Variants in CFAP61 observed in about 807,000 individuals in gnomAD.
CFAP61 encodes the protein cilia- and flagella-associated protein 61.
In CFAP61, 107 loss-of-function variants were observed where a neutral mutation model predicts 135.6. The observed-to-expected ratio is 0.79, with a 90% CI of 0.67 to 0.93. The LOEUF is 0.93. Ranked by LOEUF, CFAP61 falls within the 40% of genes least tolerant of loss-of-function variation. The pLI, the probability that CFAP61 is intolerant of heterozygous loss-of-function variation, is 0.00. For synonymous variants in CFAP61, 575 were observed against 578.5 expected (o/e 0.99, Z 0.09); for missense variants, 1,507 against 1,556.2 (o/e 0.97, Z 0.53).
At chr20:20,291,811 C>T (rs1253065973) in intron 24 of CFAP61, among the ~76,000 whole-genome samples, 2 of 152,222 alleles carry the variant, frequency 1.3e-5, no homozygotes, top group Non-Finnish European at 2.9e-5. Context: ...CCCATAGTCC[C>T]AGCCCGGTGT....
chr20:20,314,705 G>A (rs2057025134), intron 25 of CFAP61, among the ~76,000 whole-genome samples: 1 of 92,712 alleles, frequency 1.1e-5, no homozygotes, highest in Non-Finnish European at 2.1e-5. Context: ...CCCCACAACA[G>A]TCCCCAGAGT....
intron 25 of CFAP61, among the ~76,000 whole-genome samples, chr20:20,304,436 A>G (rs942536459): frequency 5.8e-4 from 88 of 152,020 alleles, no homozygotes; most frequent in African/African-American, 2.0e-3. Flanking sequence ...CAAATATGTT[A>G]CTAAAAATCT....
At chr20:20,120,403 G>T (rs1202712353) in intron 8 of CFAP61, among the ~76,000 whole-genome samples, 2 of 152,220 alleles carry the variant, frequency 1.3e-5, no homozygotes, top group East Asian at 3.9e-4. Context: ...CATTGAAAAT[G>T]ATTGTTTAAT....
chr20:20,354,936 G>GGGAGGTGGTCAGACTCTGTCAGA (rs2059005100), intron 26 of CFAP61, among the ~76,000 whole-genome samples: 4 of 149,966 alleles, frequency 2.7e-5, no homozygotes, highest in Admixed American at 1.3e-4. Flanking sequence ...ACTGTGAGAG[G>GGGAGGTGGTCAGACTCTGTCAGA]GGAGGTGGTC....
chr20:20,226,600 G>C (rs760264205), intron 17 of CFAP61, among the ~76,000 whole-genome samples: 3 of 152,234 alleles, frequency 2.0e-5, no homozygotes, highest in Non-Finnish European at 4.4e-5. Context: ...TTCTATTTCT[G>C]TGTGATTCTC....
intron 2 of CFAP61, among the ~76,000 whole-genome samples, chr20:20,059,473 C>T (rs1014814415): frequency 6.6e-6 from 1 of 150,786 alleles, no homozygotes; most frequent in Non-Finnish European, 1.5e-5. Flanking sequence ...AAAAAATTAG[C>T]CAGGAGTGGT....
intron 18 of CFAP61, among the ~76,000 whole-genome samples, chr20:20,232,484 C>G (rs2146954194): frequency 6.6e-6 from 1 of 152,184 alleles, no homozygotes; most frequent in Non-Finnish European, 1.5e-5. Context: ...GCGCGTGGAC[C>G]AGCAGCATTG....
chr20:20,165,880 C>A (rs1349738552), intron 11 of CFAP61, among the ~76,000 whole-genome samples: 2 of 152,072 alleles, frequency 1.3e-5, no homozygotes, highest in Admixed American at 6.5e-5. Context: ...CATATAAAAC[C>A]TTGTAAAGCC....
chr20:20,086,899 G>A (rs893506979), intron 6 of CFAP61, among the ~76,000 whole-genome samples: 3 of 152,160 alleles, frequency 2.0e-5, no homozygotes, highest in African/African-American at 7.2e-5. Context: ...AGTCACCGGA[G>A]GGTGTAGGGT....
intron 16 of CFAP61, 130 bp downstream of exon 16, chr20:20,196,906 C>A: frequency 2.5e-6 from 2 of 797,056 alleles, no homozygotes; most frequent in Non-Finnish European, 4.1e-6. Context: ...TTTCCAATGG[C>A]CATATTTAGT....
chr20:20,224,013 A>G (rs1001882565), intron 17 of CFAP61, among the ~76,000 whole-genome samples: 3 of 152,226 alleles, frequency 2.0e-5, no homozygotes, highest in Middle Eastern at 3.2e-3. Flanking sequence ...AAGTTGATGT[A>G]TCTATTCTTT....
intron 14 of CFAP61, among the ~76,000 whole-genome samples, chr20:20,188,568 T>A (rs1032175232): frequency 6.6e-6 from 1 of 152,148 alleles, no homozygotes; most frequent in African/African-American, 2.4e-5. Flanking sequence ...ATGATAAATG[T>A]TGGGTTCTCT....
intron 8 of CFAP61, among the ~76,000 whole-genome samples, chr20:20,107,960 A>G (rs1453342373): frequency 6.6e-6 from 1 of 152,220 alleles, no homozygotes; most frequent in Non-Finnish European, 1.5e-5. Context: ...TTAAGTCTAC[A>G]TGAAATATTC....
At chr20:20,356,926 G>A (rs1366992307) in intron 26 of CFAP61, among the ~76,000 whole-genome samples, 2 of 16,038 alleles carry the variant, frequency 1.2e-4, no homozygotes, top group Admixed American at 7.1e-4. Flanking sequence ...ACTGAGGGGA[G>A]GTGGTCACAC....
intron 20 of CFAP61, among the ~76,000 whole-genome samples, 191 bp downstream of exon 20, chr20:20,251,954 G>A (rs530290916): frequency 6.6e-6 from 1 of 152,300 alleles, no homozygotes; most frequent in East Asian, 1.9e-4. Context: ...AACCCTCCCA[G>A]AAACCCATTC....
At chr20:20,146,303 TGAGGA>T in intron 9 of CFAP61, among the ~76,000 whole-genome samples, 1 of 152,284 alleles carries the variant, frequency 6.6e-6, no homozygotes, top group South Asian at 2.1e-4. Context: ...TAAAATCCAT[TGAGGA>T]GTGAGAATGG....
intron 1 of CFAP61, among the ~76,000 whole-genome samples, chr20:20,054,160 A>G (rs1354141654): frequency 6.6e-6 from 1 of 151,406 alleles, no homozygotes; most frequent in Non-Finnish European, 1.5e-5. Flanking sequence ...TATTCTTCTC[A>G]GAATATACCA....
intron 15 of CFAP61, among the ~76,000 whole-genome samples, chr20:20,193,017 G>A (rs1389940970): frequency 6.6e-6 from 1 of 152,122 alleles, no homozygotes; most frequent in African/African-American, 2.4e-5. Flanking sequence ...CTCGATGGGG[G>A]TGTGGCAGAG....
intron 2 of CFAP61, among the ~76,000 whole-genome samples, chr20:20,067,061 ATAT>A (rs775293699): frequency 3.3e-5 from 5 of 152,178 alleles, no homozygotes; most frequent in Non-Finnish European, 7.3e-5. Flanking sequence ...CCACATTAAA[ATAT>A]TATAAAAAGT....
Sources: gnomAD v4.1 joint callset for allele counts (sites outside exome capture counted in the v4.1 genomes callset) on GRCh38, gnomAD v4.1.1 for gene constraint, MANE v1.5 for transcripts, NCBI Gene and HGNC (gene_info 2026-07-23, HGNC 2026-07-21) for gene names.